The following ZNF420 variants were observed in gnomAD, a reference collection of about 807,000 sequenced individuals.
ZNF420 encodes zinc finger protein 420.
ZNF420 carries 31 observed loss-of-function variants against 44.7 expected under a neutral mutation model. That is an observed-to-expected ratio of 0.69 (90% CI 0.52 to 0.94). The LOEUF is 0.94. ZNF420 is among the 40% of genes least tolerant of loss of function. ZNF420 has a pLI of 0.00. For synonymous variants in ZNF420, 245 were observed against 267.4 expected, an observed-to-expected ratio of 0.92 and a Z score of 0.82; for missense variants, 681 against 827.9, an observed-to-expected ratio of 0.82 and a Z score of 2.18.
intron 1 of ZNF420, among the ~76,000 whole-genome samples, chr19:37,026,741 C>T (rs1434166581): frequency 7.9e-5 from 12 of 152,156 alleles, no homozygotes; most frequent in Non-Finnish European, 1.2e-4. Flanking sequence ...GGATTACAGG[C>T]GTGAGCCACC....
At position 37,116,369 on chromosome 19, in the gene ZNF420, A is replaced by AAAG. The variant is rs1491498077; in HGVS notation, c.137-10757_137-10756insGAA. On this transcript the variant is annotated intron_variant, in intron 4 of 4. Transcript: ENST00000337995. ...GGGCAACAGAGCAGGACTCCACCTC[A>AAAG]AAAAAAAAAAAAAAAAAAAAAGAAT... Among the ~76,000 whole-genome samples the AAAG allele has an allele frequency of 9.5e-3, 771 of 81,082 alleles. 16 individuals are homozygous for AAAG. Among genetic ancestry groups the AAAG allele is most frequent in the East Asian group, 0.058 (225 of 3,900 alleles). 53.2% of individuals were successfully genotyped at this position (81,082 alleles called of 152,430 possible). A position where few individuals can be genotyped will look rare whatever the true frequency, so the allele number is the denominator to read the frequency against.
intron 4 of ZNF420, among the ~76,000 whole-genome samples, chr19:37,117,671 C>A (rs1204559797): frequency 6.6e-6 from 1 of 151,536 alleles, no homozygotes; most frequent in East Asian, 1.9e-4. Flanking sequence ...TCAAACTACT[C>A]CCGAGCTACA....
At chr19:37,096,477 T>C (rs559399638) in intron 4 of ZNF420, among the ~76,000 whole-genome samples, 1 of 152,348 alleles carries the variant, frequency 6.6e-6, no homozygotes, top group Non-Finnish European at 1.5e-5. Flanking sequence ...TGGATTTGTT[T>C]TTCTTTCTCT....
chr19:37,116,762 G>A (rs984610052), intron 4 of ZNF420, among the ~76,000 whole-genome samples: 7 of 152,178 alleles, frequency 4.6e-5, no homozygotes, highest in Non-Finnish European at 7.3e-5. Context: ...CCCTAATACT[G>A]CGCTTTTCCA....
chr19:37,112,291 G>A (rs976704736), intron 4 of ZNF420, among the ~76,000 whole-genome samples: 1 of 152,004 alleles, frequency 6.6e-6, no homozygotes, highest in South Asian at 2.1e-4. Context: ...GATTTGTGGG[G>A]CTATATAATG....
At chr19:37,087,291 AAATAAATAAATAAAT>A (rs1456378905) in intron 2 of ZNF420, among the ~76,000 whole-genome samples, 40 of 70,738 alleles carry the variant, frequency 5.7e-4, no homozygotes, top group African/African-American at 1.5e-3. Context: ...TCAAAAAAAA[AAATAAATAAATAAAT>A]AAATAAATAA....
At position 37,057,510 on chromosome 19, in the gene ZNF420, G is replaced by C. The variant is rs117728319; in HGVS notation, c.-124-22835G>C. On this transcript the variant is annotated intron_variant, in intron 1 of 4. Coordinates refer to the ZNF420 transcript ENST00000587029. ...TCTGTTTCTCTCTCTCTCTTTCTCT[G>C]TGTGTGTGTGTGCCAGTGTGGGTGT... is the stretch of plus-strand genomic sequence containing the variant. 6.2e-3 allele frequency among the ~76,000 whole-genome samples: 941 copies of C among 151,900 alleles called. 27 individuals are homozygous for C. The highest frequency in any genetic ancestry group is 0.049 in the East Asian group (254 of 5,158).
intron 2 of ZNF420, among the ~76,000 whole-genome samples, chr19:37,085,702 C>T (rs1450788403): frequency 2.0e-5 from 3 of 152,076 alleles, no homozygotes; most frequent in Admixed American, 6.6e-5. Context: ...TTTCCCCACT[C>T]TTAGTATCCG....
chr19:37,058,268 A>G lies in ZNF420; in HGVS notation c.-124-22077A>G, dbSNP rs146197691. ...CTGGGCTTCCATACCTGTTTCAGAC[A>G]GGGAAGCTCCCTTGGTCTCCAAGTT... On this transcript the variant is annotated intron_variant, in intron 1 of 4. Transcript: ENST00000587029. Among the ~76,000 whole-genome samples the G allele has an allele frequency of 5.9e-3, 906 of 152,278 alleles. 7 individuals carry two copies. The highest frequency in any genetic ancestry group is 8.9e-3 in the Non-Finnish European group (606 of 68,028).
At chr19:37,055,545 G>A (rs1218562483) in intron 1 of ZNF420, among the ~76,000 whole-genome samples, 2 of 152,212 alleles carry the variant, frequency 1.3e-5, no homozygotes, top group Non-Finnish European at 2.9e-5. Flanking sequence ...CGTCCACGCA[G>A]AGCCGAAACC....
At chr19:37,091,280 C>T (rs1969128310) in intron 4 of ZNF420, 159 bp downstream of exon 4, 3 of 669,446 alleles carry the variant, frequency 4.5e-6, no homozygotes, top group South Asian at 2.9e-5. Flanking sequence ...TCTCAGGGCA[C>T]CTTTATCTTT....
chr19:37,060,519 G>C (rs1032307625), intron 1 of ZNF420, among the ~76,000 whole-genome samples: 1 of 152,110 alleles, frequency 6.6e-6, no homozygotes, highest in Admixed American at 6.5e-5. Flanking sequence ...TGGTCTGGCT[G>C]AATGTCTTCA....
rs572656409 is a variant in ZNF420, at chr19:37,021,051, A to G, written c.-125+12969A>G. ...TGACACCAAATTTTATGTGTATTTC[A>G]CAATTTTTAAAAATTAGGAGGAAAA... On this transcript the variant is annotated intron_variant, in intron 1 of 4. Transcript: ENST00000587029. Among the ~76,000 whole-genome samples, 48 of 152,342 alleles carry G rather than the reference A, an allele frequency of 3.2e-4. 2 individuals are homozygous for G. In the South Asian group the frequency reaches 3.9e-3, roughly 12 times the overall value.
At chr19:37,073,315 C>A (rs1229198468) in intron 1 of ZNF420, among the ~76,000 whole-genome samples, 5 of 152,296 alleles carry the variant, frequency 3.3e-5, no homozygotes, top group African/African-American at 1.2e-4. Context: ...ACATTCTGCT[C>A]CCTGTGTACT....
intron 4 of ZNF420, chr19:37,091,528 G>A (rs1568450362): frequency 6.5e-6 from 1 of 154,710 alleles, no homozygotes; most frequent in African/African-American, 2.4e-5. Flanking sequence ...TTTGTATAGT[G>A]ATAGAGTAGA....
intron 1 of ZNF420, among the ~76,000 whole-genome samples, chr19:37,053,143 G>T (rs1967670902): frequency 6.6e-6 from 1 of 152,082 alleles, no homozygotes; most frequent in African/African-American, 2.4e-5. Flanking sequence ...CTTTCTTCCA[G>T]TTGATCAAAT....
intron 1 of ZNF420, among the ~76,000 whole-genome samples, chr19:37,060,665 C>CA (rs1160693403): frequency 6.6e-6 from 1 of 152,024 alleles, no homozygotes; most frequent in Non-Finnish European, 1.5e-5. Flanking sequence ...ATACGTGTCT[C>CA]AGACAGGGAA....
intron 1 of ZNF420, among the ~76,000 whole-genome samples, chr19:37,051,524 T>C (rs945975307): frequency 5.9e-5 from 9 of 152,238 alleles, no homozygotes; most frequent in Admixed American, 5.9e-4. Flanking sequence ...CTTATAGTAT[T>C]CTCTGATGGT....
chr19:37,090,244 C>T (rs1201922438), intron 3 of ZNF420, among the ~76,000 whole-genome samples: 1 of 152,162 alleles, frequency 6.6e-6, no homozygotes, highest in East Asian at 1.9e-4. Flanking sequence ...GTGGCTCACA[C>T]CTATAATCCC....
Sources: allele counts gnomAD v4.1 joint callset (sites outside exome capture counted in the v4.1 genomes callset), GRCh38; gene constraint gnomAD v4.1.1; transcripts MANE v1.5; gene names NCBI Gene and HGNC (gene_info 2026-07-23, HGNC 2026-07-21).